Variants in CLEC12A observed in about 807,000 individuals in gnomAD.
CLEC12A encodes the protein C-type lectin protein CLL-1.
In CLEC12A, 22 loss-of-function variants were observed where a neutral mutation model predicts 26.5. The ratio of observed to expected loss-of-function variants is 0.83; its 90% CI spans 0.59 to 1.19. The LOEUF is 1.19. Ranked by LOEUF, CLEC12A falls within the 50% of genes most tolerant of loss-of-function variation. The probability of loss-of-function intolerance (pLI) is 0.00; values close to 1 mark genes in which losing one functional copy is unlikely to be tolerated. For synonymous variants in CLEC12A, 119 were observed against 101.9 expected (o/e 1.17, Z -1.01); for missense variants, 353 against 315.6 (o/e 1.12, Z -0.90).
chr12:9,989,252 C>T (rs375540585), downstream of CLEC12A, among the ~76,000 whole-genome samples: 1,966 of 151,310 alleles, frequency 0.013, 50 homozygotes, highest in African/African-American at 0.044. Context: ...TTAGGAGATA[C>T]ACCTAATGTT....
In CLEC12A at chr12:9,978,838, C is replaced by A. The variant is rs1211659914; in HGVS notation, c.92-128C>A. 5 of 662,890 alleles carry A rather than the reference C, an allele frequency of 7.5e-6. No homozygotes were observed. In the East Asian group the frequency reaches 7.9e-5, roughly 10 times the overall value. The allele number at this position is 662,890 out of a possible 1,614,324, so 41.1% of individuals were successfully genotyped here. ...TTTTTGAATATTCTTGAATGGCTAG[C>A]AAATCCATTTCTTTCCAATAGGCAT... On this transcript the variant is annotated intron_variant, in intron 1 of 5. Transcript: ENST00000304361.
the CLEC12A span, among the ~76,000 whole-genome samples, chr12:10,004,620 G>A: frequency 6.6e-6 from 1 of 151,830 alleles, no homozygotes; most frequent in South Asian, 2.1e-4. Flanking sequence ...TGGAGTTCAG[G>A]GTTTATATGG....
chr12:9,959,821 T>A (rs1054952213), intron 1 of CLEC12A, among the ~76,000 whole-genome samples: 1 of 152,192 alleles, frequency 6.6e-6, no homozygotes, highest in African/African-American at 2.4e-5. Context: ...CAGAAATGGA[T>A]TAGCTCTTAG....
chr12:9,957,399 A>C (rs1863759196), intron 1 of CLEC12A, among the ~76,000 whole-genome samples: 1 of 151,580 alleles, frequency 6.6e-6, no homozygotes. Context: ...GAGGCAGGAG[A>C]ATCACTTGAA....
intron 1 of CLEC12A, among the ~76,000 whole-genome samples, chr12:9,966,261 A>G (rs575675025): frequency 6.6e-6 from 1 of 152,310 alleles, no homozygotes; most frequent in South Asian, 2.1e-4. Context: ...CTTACCCTCC[A>G]CTGTGAGAGT....
At chr12:9,966,269 A>T (rs1333161245) in intron 1 of CLEC12A, among the ~76,000 whole-genome samples, 1 of 152,138 alleles carries the variant, frequency 6.6e-6, no homozygotes, top group Non-Finnish European at 1.5e-5. Context: ...CCACTGTGAG[A>T]GTTACCTAGA....
At chr12:9,977,210 A>G (rs890758020) in intron 1 of CLEC12A, among the ~76,000 whole-genome samples, 6 of 152,226 alleles carry the variant, frequency 3.9e-5, no homozygotes, top group East Asian at 1.9e-4. Flanking sequence ...TTAGAAATGT[A>G]TACTTAATTT....
At chr12:9,967,782 G>A (rs1263394774), upstream of CLEC12A, among the ~76,000 whole-genome samples, 3 of 152,130 alleles carry the variant, frequency 2.0e-5, no homozygotes, top group Non-Finnish European at 4.4e-5. Flanking sequence ...GACACGGAGA[G>A]AAGGGGTTGG....
chr12:9,952,181 C>CCCTCT (rs1272176525), intron 1 of CLEC12A: 7 of 109,436 alleles, frequency 6.4e-5, no homozygotes, highest in African/African-American at 2.3e-4. Context: ...GTCTCCCTCT[C>CCCTCT]CCTCTCCCTC....
At chr12:9,990,380 G>C (rs532558893), downstream of CLEC12A, among the ~76,000 whole-genome samples, 7 of 152,294 alleles carry the variant, frequency 4.6e-5, no homozygotes, top group East Asian at 1.3e-3. Context: ...CAGACACTTG[G>C]AAGAAGTTGA....
At chr12:9,979,675 A>G in intron 3 of CLEC12A, 151 bp downstream of exon 3, 1 of 621,628 alleles carries the variant, frequency 1.6e-6, no homozygotes. Flanking sequence ...GAATTCATTG[A>G]TATTTCCACG....
upstream of CLEC12A, among the ~76,000 whole-genome samples, chr12:9,967,613 G>C (rs1863992393): frequency 1.3e-5 from 2 of 152,012 alleles, no homozygotes; most frequent in African/African-American, 2.4e-5. Context: ...GGAGAGAAGG[G>C]GTTGGGGGTT....
At chr12:9,974,677 T>C (rs1864261147) in intron 1 of CLEC12A, among the ~76,000 whole-genome samples, 1 of 152,250 alleles carries the variant, frequency 6.6e-6, no homozygotes, top group Non-Finnish European at 1.5e-5. Context: ...AATTATTTAG[T>C]GTCTGATACT....
At chr12:9,977,833 T>C (rs1864397523) in intron 1 of CLEC12A, among the ~76,000 whole-genome samples, 1 of 152,182 alleles carries the variant, frequency 6.6e-6, no homozygotes, top group African/African-American at 2.4e-5. Context: ...GTCTAATAAA[T>C]ACAAGGCACT....
downstream of CLEC12A, among the ~76,000 whole-genome samples, chr12:9,997,985 G>A (rs1489847810): frequency 6.6e-6 from 1 of 152,142 alleles, no homozygotes; most frequent in African/African-American, 2.4e-5. Context: ...TGCAAGATAG[G>A]AAAAGGGATG....
At chr12:9,953,802 A>T (rs1591808115) in intron 1 of CLEC12A, among the ~76,000 whole-genome samples, 1 of 152,168 alleles carries the variant, frequency 6.6e-6, no homozygotes, top group African/African-American at 2.4e-5. Flanking sequence ...GAGAAATGGG[A>T]TGGTTGCCGT....
intron 1 of CLEC12A, among the ~76,000 whole-genome samples, chr12:9,959,638 A>G (rs1863799033): frequency 6.6e-6 from 1 of 152,138 alleles, no homozygotes; most frequent in South Asian, 2.1e-4. Flanking sequence ...ACTGACGAAC[A>G]GGATGGACTC....
chr12:9,962,253 CT>C (rs71049021), intron 1 of CLEC12A, among the ~76,000 whole-genome samples: 22,613 of 118,900 alleles, frequency 0.19, 1,227 homozygotes, highest in South Asian at 0.33. Flanking sequence ...CCGGTTTTTT[CT>C]TTTTTTTTTT....
At chr12:9,986,769 C>T (rs888612005), downstream of CLEC12A, among the ~76,000 whole-genome samples, 21 of 152,106 alleles carry the variant, frequency 1.4e-4, no homozygotes, top group Non-Finnish European at 2.9e-4. Flanking sequence ...TGAGATTGCA[C>T]CACTGCACTC....
Sources: allele counts gnomAD v4.1 joint callset (sites outside exome capture counted in the v4.1 genomes callset), GRCh38; gene constraint gnomAD v4.1.1; transcripts MANE v1.5; gene names NCBI Gene and HGNC (gene_info 2026-07-23, HGNC 2026-07-21).